Variants in PRDM2 observed in about 807,000 individuals in gnomAD.
The protein encoded by PRDM2 is PR/SET domain 2.
A neutral mutation model predicts 130.0 loss-of-function variants in PRDM2; 30 were observed. The ratio of observed to expected loss-of-function variants is 0.23; its 90% CI spans 0.17 to 0.31. PRDM2 has a LOEUF of 0.31. Among genes scored for constraint, PRDM2 ranks in the 10% least tolerant of loss-of-function variants. PRDM2 has a pLI of 1.00. For synonymous variants in PRDM2, 871 were observed against 782.4 expected (o/e 1.11, Z -1.89); for missense variants, 2,011 against 2,108.4 (o/e 0.95, Z 0.90).
chr1:13,716,461 T>TA (rs1025204680), intron 2 of PRDM2, among the ~76,000 whole-genome samples: 1 of 151,068 alleles, frequency 6.6e-6, no homozygotes, highest in Non-Finnish European at 1.5e-5. Flanking sequence ...AATAAAAAAA[T>TA]AAAAAAAAGA....
chr1:13,765,767 C>T (rs1644212212), intron 6 of PRDM2, among the ~76,000 whole-genome samples: 5 of 152,174 alleles, frequency 3.3e-5, no homozygotes, highest in Admixed American at 3.3e-4. Flanking sequence ...ACCTGGCCTG[C>T]ACTTGGCCAT....
chr1:13,719,849 A>G (rs1400877015), intron 2 of PRDM2, among the ~76,000 whole-genome samples: 1 of 152,182 alleles, frequency 6.6e-6, no homozygotes. Context: ...AATCTATACA[A>G]AGATGGGTTC....
chr1:13,751,478 TACTC>T (rs905119446), intron 6 of PRDM2, among the ~76,000 whole-genome samples: 3 of 152,074 alleles, frequency 2.0e-5, no homozygotes, highest in Non-Finnish European at 4.4e-5. Context: ...TTAAATTAAA[TACTC>T]AGTTAAAACC....
At position 13,771,405 on chromosome 1, in the gene PRDM2, G is replaced by A. The variant is rs1484231563; in HGVS notation, c.512-1673G>A. ...TTGCTCAAACCCTGATAAACGTAGT[G>A]GCAAAAACATCGGATTTCCTATGGG... On this transcript the variant is annotated intron_variant, in intron 6 of 9. Transcript: ENST00000311066. This position sits in a 1 kb window ranked among gnomAD's most constrained non-coding sequence, Gnocchi z 4.1. Among the ~76,000 whole-genome samples the A allele has an allele frequency of 6.6e-6, 1 of 152,150 alleles. No homozygotes were observed. The highest frequency in any genetic ancestry group is 1.5e-5 in the Non-Finnish European group (1 of 68,030).
chr1:13,755,841 C>T (rs1215978584), intron 6 of PRDM2, among the ~76,000 whole-genome samples: 2 of 151,588 alleles, frequency 1.3e-5, no homozygotes, highest in East Asian at 3.9e-4. Flanking sequence ...TCTGTGTTGC[C>T]CAGGTTGGAC....
chr1:13,700,896 G>A (rs115848518), intron 1 of PRDM2, among the ~76,000 whole-genome samples: 1 of 152,318 alleles, frequency 6.6e-6, no homozygotes, highest in African/African-American at 2.4e-5. Flanking sequence ...GTGTGTGTGT[G>A]TTACAGACGT....
chr1:13,761,227 A>G (rs1644089914), intron 6 of PRDM2, among the ~76,000 whole-genome samples: 1 of 152,216 alleles, frequency 6.6e-6, no homozygotes, highest in South Asian at 2.1e-4. Flanking sequence ...TGACAGTTAT[A>G]AGAGGATTTT....
rs912179393 is a variant in PRDM2, at chr1:13,787,426, A to G, written c.5036+4595A>G. On this transcript the variant is annotated intron_variant, in intron 8 of 9. Coordinates refer to ENST00000311066, the MANE Select transcript of PRDM2 (RefSeq NM_001393986.1). ...ACATTTTATGCCTCCCCCTAAATTA[A>G]TGACTGAGTTGGTGGAAAGCGGCTA... The G allele has an allele frequency of 3.0e-6, 3 of 985,168 alleles. No homozygotes were observed. In the African/African-American group the frequency reaches 5.2e-5, roughly 17 times the overall value. 61.0% of individuals were successfully genotyped at this position (985,168 alleles called of 1,614,324 possible).
At chr1:13,774,059 T>C (rs1644417676) in intron 7 of PRDM2, among the ~76,000 whole-genome samples, 1 of 152,212 alleles carries the variant, frequency 6.6e-6, no homozygotes, top group African/African-American at 2.4e-5. Flanking sequence ...AAATTCTTAT[T>C]TTGTCTCTTC....
At position 13,782,626 on chromosome 1, in the gene PRDM2, C is replaced by G. The variant is rs150007555; in HGVS notation, c.4831C>G (p.Leu1611Val). 291 of 1,614,148 alleles carry G rather than the reference C, an allele frequency of 1.8e-4. No individual in the cohort carries two copies. Among genetic ancestry groups the G allele is most frequent in the Non-Finnish European group, 2.2e-4 (264 of 1,180,032 alleles). Reference protein sequence around the residue: ...AQLSSKTSRSLHVRVQKSKAV... With the variant: ...AQLSSKTSRSVHVRVQKSKAV... ...GCTTTCCAGCAAAACATCACGGAGC[C>G]TGCACGTGAGGGTACAGAAAAGCAA... The change falls in exon 8 of 10, where the codon CTG becomes GTG. Residue 1611 changes from leucine to valine, a missense_variant. Transcript: ENST00000311066.
chr1:13,707,384 CAG>C (rs766907831), intron 1 of PRDM2, among the ~76,000 whole-genome samples: 17 of 152,174 alleles, frequency 1.1e-4, no homozygotes, highest in Admixed American at 8.5e-4. Flanking sequence ...AAATAGTACA[CAG>C]GGGTCAACTG....
At chr1:13,723,093 T>A (rs1363054657) in intron 2 of PRDM2, among the ~76,000 whole-genome samples, 1 of 152,194 alleles carries the variant, frequency 6.6e-6, no homozygotes. Flanking sequence ...GTGGCCTCTT[T>A]TTATTCCTGA....
At chr1:13,732,310 A>G (rs1225206643) in intron 3 of PRDM2, among the ~76,000 whole-genome samples, 1 of 152,212 alleles carries the variant, frequency 6.6e-6, no homozygotes, top group Non-Finnish European at 1.5e-5. Context: ...GAACTTCAAA[A>G]CTATTTATTC....
In PRDM2 at chr1:13,769,098, C is replaced by T. The variant is rs568786466; in HGVS notation, c.512-3980C>T. On this transcript the variant is annotated intron_variant, in intron 6 of 9. Coordinates refer to ENST00000311066, the MANE Select transcript of PRDM2 (RefSeq NM_001393986.1). ...TTTCCATTTCACTTCCCTTGTGTTT[C>T]ATTCCTCTTTCTTGTCTAGACCAAG... is the stretch of plus-strand genomic sequence containing the variant. The T allele has an allele frequency of 1.7e-4, 169 of 978,818 alleles. 2 individuals carry two copies. The South Asian group carries it at 7.0e-3, about 40-fold the overall frequency. 60.6% of individuals were successfully genotyped at this position (978,818 alleles called of 1,614,324 possible).
At chr1:13,814,754 C>G (rs1041202754) in intron 8 of PRDM2, among the ~76,000 whole-genome samples, 2 of 152,220 alleles carry the variant, frequency 1.3e-5, no homozygotes, top group Non-Finnish European at 2.9e-5. Flanking sequence ...GGACTCCATT[C>G]CCGCCTCCTG....
chr1:13,814,325 T>G (rs900554224), intron 8 of PRDM2, among the ~76,000 whole-genome samples: 1 of 152,206 alleles, frequency 6.6e-6, no homozygotes, highest in African/African-American at 2.4e-5. Flanking sequence ...CCGTGGGCCT[T>G]GGCTGCACAG....
intron 8 of PRDM2, among the ~76,000 whole-genome samples, chr1:13,809,150 C>T (rs1355506901): frequency 6.6e-6 from 1 of 152,206 alleles, no homozygotes; most frequent in East Asian, 1.9e-4. Context: ...GAGGGCAGTG[C>T]AGGCTGGACT....
chr1:13,713,741 C>T (rs1329003833), intron 1 of PRDM2, among the ~76,000 whole-genome samples: 1 of 152,190 alleles, frequency 6.6e-6, no homozygotes, highest in African/African-American at 2.4e-5. Flanking sequence ...TCTTATTCAC[C>T]TGGGGGAATA....
rs923948512 is a variant in PRDM2 at position 13,786,722 on chromosome 1, C to T, written c.5036+3891C>T. ...ATCTGCTGCTTCGGTGGGGGCCCAA[C>T]GCGCATGCTGGGCGCCCGGGTGATT... On this transcript the variant is annotated intron_variant, in intron 8 of 9. Coordinates refer to ENST00000311066, the MANE Select transcript of PRDM2 (RefSeq NM_001393986.1). 15 of 1,431,228 alleles carry T rather than the reference C, an allele frequency of 1.0e-5. No homozygotes were observed. The East Asian group carries it at 1.5e-4, about 14-fold the overall frequency. The allele number at this position is 1,431,228 out of a possible 1,614,324, so 88.7% of individuals were successfully genotyped here. A position where few individuals can be genotyped will look rare whatever the true frequency, so the allele number is the denominator to read the frequency against.
Sources: allele counts gnomAD v4.1 joint callset (sites outside exome capture counted in the v4.1 genomes callset), GRCh38; gene constraint gnomAD v4.1.1; non-coding constraint Gnocchi (gnomAD v3.1); transcripts MANE v1.5; gene names NCBI Gene and HGNC (gene_info 2026-07-23, HGNC 2026-07-21).